CELF2: variants seen among roughly 807,000 people sequenced by gnomAD.
CELF2 encodes the protein CUG triplet repeat RNA-binding protein 2.
In CELF2, 8 loss-of-function variants were observed where a neutral mutation model predicts 62.6. The ratio of observed to expected loss-of-function variants is 0.13; its 90% CI spans 0.07 to 0.23. The LOEUF (loss-of-function observed/expected upper bound fraction) is 0.23, where lower values mean the gene tolerates loss of function less well. Ranked by LOEUF, CELF2 falls within the 10% of genes least tolerant of loss-of-function variation. The pLI is 1.00. For synonymous variants in CELF2, 258 were observed against 250.0 expected (o/e 1.03, Z -0.30); for missense variants, 333 against 671.0 (o/e 0.50, Z 5.56).
chr10:11,081,706 G>C (rs1056585672), intron 1 of CELF2, among the ~76,000 whole-genome samples: 7 of 152,172 alleles, frequency 4.6e-5, no homozygotes, highest in Non-Finnish European at 8.8e-5. Flanking sequence ...TGACAGATTT[G>C]TTTTTTCTCT....
the CELF2 span, among the ~76,000 whole-genome samples, chr10:10,754,360 C>T: frequency 2.0e-5 from 3 of 152,058 alleles, no homozygotes; most frequent in South Asian, 6.2e-4. Context: ...CCAGGTTTCC[C>T]AGGCTGGTCT....
intron 2 of CELF2, among the ~76,000 whole-genome samples, chr10:11,201,127 G>T (rs1168825434): frequency 1.3e-5 from 2 of 152,180 alleles, no homozygotes; most frequent in Non-Finnish European, 2.9e-5. Flanking sequence ...GATCCTGCTA[G>T]TACATTTTTC....
the CELF2 span, among the ~76,000 whole-genome samples, chr10:10,546,960 A>C: frequency 6.6e-6 from 1 of 152,066 alleles, no homozygotes; most frequent in Non-Finnish European, 1.5e-5. Flanking sequence ...TACAAAAATT[A>C]GCTGGGCATG....
intron 1 of CELF2, among the ~76,000 whole-genome samples, chr10:10,842,482 G>C (rs867776675): frequency 3.5e-4 from 53 of 151,862 alleles, no homozygotes; most frequent in African/African-American, 1.2e-3. Context: ...TCCTTTTTGA[G>C]AGTTTTTTTT....
the CELF2 span, among the ~76,000 whole-genome samples, chr10:10,593,328 C>T: frequency 2.6e-5 from 4 of 152,224 alleles, no homozygotes; most frequent in Admixed American, 2.6e-4. Flanking sequence ...CGGCTTTGCT[C>T]ATGCATCCAA....
At chr10:11,221,041 C>G (rs919251651) in intron 3 of CELF2, among the ~76,000 whole-genome samples, 1 of 152,238 alleles carries the variant, frequency 6.6e-6, no homozygotes, top group South Asian at 2.1e-4. Flanking sequence ...CCACCACACA[C>G]ACACATCCTT....
At chr10:11,240,661 C>A (rs1481430040) in intron 3 of CELF2, among the ~76,000 whole-genome samples, 3 of 152,088 alleles carry the variant, frequency 2.0e-5, no homozygotes, top group Admixed American at 2.0e-4. Flanking sequence ...TTTCATAAAA[C>A]CCAAACAGTA....
chr10:10,554,507 G>A, the CELF2 span, among the ~76,000 whole-genome samples: 1 of 152,184 alleles, frequency 6.6e-6, no homozygotes, highest in African/African-American at 2.4e-5. Flanking sequence ...GCAGAGAAAA[G>A]AGAGGAACCA....
the CELF2 span, among the ~76,000 whole-genome samples, chr10:10,594,388 A>ACTGTGCAT: frequency 0.24 from 36,717 of 151,976 alleles, 4,909 homozygotes; most frequent in South Asian, 0.51. Flanking sequence ...TTGGACAGAC[A>ACTGTGCAT]CTGTGCATTT....
At chr10:11,032,158 A>AAAAAAAAAAAAAAAC (rs1180544810) in intron 1 of CELF2, among the ~76,000 whole-genome samples, 1 of 150,640 alleles carries the variant, frequency 6.6e-6, no homozygotes, top group Non-Finnish European at 1.5e-5. Flanking sequence ...AAAAAAAAAA[A>AAAAAAAAAAAAAAAC]AAAAAAAAAA....
At chr10:10,906,275 G>T (rs558604541) in intron 1 of CELF2, among the ~76,000 whole-genome samples, 1 of 152,142 alleles carries the variant, frequency 6.6e-6, no homozygotes, top group African/African-American at 2.4e-5. Context: ...AGTCATTCAG[G>T]TGATAAAATT....
the CELF2 span, among the ~76,000 whole-genome samples, chr10:10,578,327 T>A: frequency 6.6e-6 from 1 of 152,192 alleles, no homozygotes; most frequent in Non-Finnish European, 1.5e-5. Context: ...TTCACTCTGA[T>A]GGTGGTTTCT....
intron 1 of CELF2, among the ~76,000 whole-genome samples, chr10:10,826,799 G>A (rs2057426892): frequency 6.6e-6 from 1 of 152,150 alleles, no homozygotes; most frequent in Non-Finnish European, 1.5e-5. Context: ...TGTCTCTCAG[G>A]TCCAGAATTT....
In CELF2 at chr10:11,330,313, G is replaced by GAAATGCAAATTAT. The variant is rs2095978363; in HGVS notation, c.*1261_*1273dup. On this transcript the variant is annotated 3_prime_UTR_variant, in exon 13 of 13. Coordinates refer to ENST00000633077, the MANE Select transcript of CELF2 (RefSeq NM_001326342.2). The surrounding 1 kb of genome is among the most constrained non-coding windows in gnomAD (Gnocchi z 4.5). Reference sequence around the variant, plus strand: ...ATTGTGCTGTGGATAAGGAGTGTAAGAAATGCAAATTATGTGAATGGCTCG... The same window carrying GAAATGCAAATTAT: ...ATTGTGCTGTGGATAAGGAGTGTAAGAAATGCAAATTATAAATGCAAATTATGTGAATGGCTCG... The GAAATGCAAATTAT allele has an allele frequency of 6.6e-6, 1 of 152,612 alleles. No individual in the cohort carries two copies. The highest frequency in any genetic ancestry group is 1.5e-5 in the Non-Finnish European group (1 of 68,034). The allele number at this position is 152,612 out of a possible 1,614,324, so 9.5% of individuals were successfully genotyped here.
chr10:11,060,299 T>C (rs2140422848), intron 1 of CELF2, among the ~76,000 whole-genome samples: 1 of 152,366 alleles, frequency 6.6e-6, no homozygotes, highest in East Asian at 1.9e-4. Context: ...CAGCTCTGCG[T>C]GCACCGTTCC....
intron 1 of CELF2, among the ~76,000 whole-genome samples, chr10:11,135,625 G>T (rs969175234): frequency 3.3e-5 from 5 of 152,210 alleles, no homozygotes; most frequent in Admixed American, 2.0e-4. Flanking sequence ...TCAAGAGAGG[G>T]ATGTCAATTT....
intron 3 of CELF2, among the ~76,000 whole-genome samples, chr10:11,222,094 G>C (rs1399254897): frequency 6.6e-6 from 1 of 152,078 alleles, no homozygotes; most frequent in Non-Finnish European, 1.5e-5. Flanking sequence ...TCCCAAGCAG[G>C]CTTCACTCTG....
At chr10:10,891,501 T>G (rs1164231333) in intron 1 of CELF2, among the ~76,000 whole-genome samples, 1 of 151,692 alleles carries the variant, frequency 6.6e-6, no homozygotes, top group Non-Finnish European at 1.5e-5. Context: ...TTACAAACGT[T>G]AGAGCTTGTA....
At chr10:10,661,976 G>A in the CELF2 span, among the ~76,000 whole-genome samples, 1 of 152,120 alleles carries the variant, frequency 6.6e-6, no homozygotes, top group African/African-American at 2.4e-5. Context: ...GGGCTATGGG[G>A]TTTGCAAGTA....
Sources: allele counts gnomAD v4.1 joint callset (sites outside exome capture counted in the v4.1 genomes callset), GRCh38; gene constraint gnomAD v4.1.1; non-coding constraint Gnocchi (gnomAD v3.1); transcripts MANE v1.5; gene names NCBI Gene and HGNC (gene_info 2026-07-23, HGNC 2026-07-21).